Variants in SUGCT observed in about 807,000 individuals in gnomAD.
SUGCT encodes succinyl-CoA:glutarate CoA-transferase.
Under a neutral mutation model 55.0 loss-of-function variants are expected in SUGCT, and 41 were observed. The ratio of observed to expected loss-of-function variants is 0.74; its 90% CI spans 0.58 to 0.97. The LOEUF is 0.97. Among genes scored for constraint, SUGCT ranks in the 50% least tolerant of loss-of-function variants. The pLI, the probability that SUGCT is intolerant of heterozygous loss-of-function variation, is 0.00. For synonymous variants in SUGCT, 187 were observed against 200.4 expected, an observed-to-expected ratio of 0.93 and a Z score of 0.56; for missense variants, 568 against 547.8, an observed-to-expected ratio of 1.04 and a Z score of -0.37.
chr7:40,320,453 G>A (rs1046602457), intron 9 of SUGCT, among the ~76,000 whole-genome samples: 3 of 152,174 alleles, frequency 2.0e-5, no homozygotes, highest in Admixed American at 1.3e-4. Context: ...CTTAAAGACA[G>A]TAGGCTTTTA....
At chr7:40,263,039 C>A (rs1791330451) in intron 7 of SUGCT, among the ~76,000 whole-genome samples, 1 of 152,218 alleles carries the variant, frequency 6.6e-6, no homozygotes, top group Non-Finnish European at 1.5e-5. Context: ...TCTGCTGCCT[C>A]AGCCTCCCCA....
At chr7:40,636,918 C>T (rs1800046163) in intron 12 of SUGCT, among the ~76,000 whole-genome samples, 1 of 152,172 alleles carries the variant, frequency 6.6e-6, no homozygotes, top group Non-Finnish European at 1.5e-5. Context: ...CCTAACCCCT[C>T]CTTTCCCGGC....
At chr7:40,645,484 A>C (rs1800456074) in intron 12 of SUGCT, among the ~76,000 whole-genome samples, 1 of 152,138 alleles carries the variant, frequency 6.6e-6, no homozygotes, top group Non-Finnish European at 1.5e-5. Flanking sequence ...ATATCTATTC[A>C]ATTGCTTGCA....
chr7:40,169,537 A>C (rs1784574041), intron 1 of SUGCT, among the ~76,000 whole-genome samples: 1 of 152,194 alleles, frequency 6.6e-6, no homozygotes, highest in Admixed American at 6.5e-5. Flanking sequence ...ACTGTCCCCT[A>C]GGGCAGTGGG....
At chr7:40,337,156 G>A (rs1796759010) in intron 9 of SUGCT, among the ~76,000 whole-genome samples, 1 of 152,114 alleles carries the variant, frequency 6.6e-6, no homozygotes, top group Non-Finnish European at 1.5e-5. Context: ...GCTGAGGAGT[G>A]CTTTACTTCT....
intron 11 of SUGCT, among the ~76,000 whole-genome samples, chr7:40,459,584 G>A (rs1194325675): frequency 3.3e-5 from 5 of 151,956 alleles, no homozygotes; most frequent in African/African-American, 9.7e-5. Context: ...ACATTGTCTC[G>A]TTTAATCCTC....
chr7:40,547,379 C>G (rs968054249), intron 12 of SUGCT, among the ~76,000 whole-genome samples: 13 of 152,188 alleles, frequency 8.5e-5, no homozygotes, highest in African/African-American at 2.9e-4. Flanking sequence ...GTGGCCCTGT[C>G]AAGTTTATGC....
chr7:40,688,678 G>C (rs1784564435), intron 12 of SUGCT, among the ~76,000 whole-genome samples: 1 of 152,054 alleles, frequency 6.6e-6, no homozygotes, highest in Non-Finnish European at 1.5e-5. Flanking sequence ...ATAGTGTTTG[G>C]AATGAGATTG....
chr7:40,212,259 TA>T (rs533514969), intron 6 of SUGCT, among the ~76,000 whole-genome samples: 364 of 139,750 alleles, frequency 2.6e-3, no homozygotes, highest in Middle Eastern at 7.3e-3. Flanking sequence ...ACCCCATATC[TA>T]AAAAAAAAAA....
chr7:40,280,202 T>G (rs937056241), intron 8 of SUGCT, among the ~76,000 whole-genome samples: 4 of 152,206 alleles, frequency 2.6e-5, no homozygotes, highest in African/African-American at 9.6e-5. Context: ...GGATGTGGTT[T>G]GTAGTGGGCA....
intron 12 of SUGCT, among the ~76,000 whole-genome samples, chr7:40,602,758 CT>C (rs911625293): frequency 6.6e-5 from 10 of 152,114 alleles, no homozygotes; most frequent in African/African-American, 2.4e-4. Context: ...ATCTTCTGTT[CT>C]TTTTGTCATC....
chr7:40,580,505 A>G (rs1797026988), intron 12 of SUGCT, among the ~76,000 whole-genome samples: 1 of 152,198 alleles, frequency 6.6e-6, no homozygotes, highest in Admixed American at 6.5e-5. Context: ...ACACATATTT[A>G]ACATTGCATC....
intron 9 of SUGCT, among the ~76,000 whole-genome samples, chr7:40,365,352 C>G (rs1783884241): frequency 6.6e-6 from 1 of 151,710 alleles, no homozygotes; most frequent in Non-Finnish European, 1.5e-5. Flanking sequence ...AAAACTGGCA[C>G]AAGACAGGGA....
chr7:40,646,123 C>A (rs1800495754), intron 12 of SUGCT, among the ~76,000 whole-genome samples: 1 of 152,154 alleles, frequency 6.6e-6, no homozygotes, highest in East Asian at 1.9e-4. Context: ...AAGCAAGAAT[C>A]CTAGCAATGG....
At chr7:40,794,147 A>G (rs1790444959) in intron 13 of SUGCT, among the ~76,000 whole-genome samples, 1 of 152,012 alleles carries the variant, frequency 6.6e-6, no homozygotes, top group Non-Finnish European at 1.5e-5. Context: ...AGTTCATGGT[A>G]ATTTATTTCC....
intron 13 of SUGCT, among the ~76,000 whole-genome samples, chr7:40,827,273 G>A (rs1383301085): frequency 2.0e-5 from 3 of 152,190 alleles, no homozygotes; most frequent in Admixed American, 2.0e-4. Context: ...GATAGGGTGT[G>A]TTGCTGGGGA....
intron 11 of SUGCT, among the ~76,000 whole-genome samples, chr7:40,483,011 C>T (rs1227936757): frequency 1.3e-5 from 2 of 152,090 alleles, no homozygotes; most frequent in Non-Finnish European, 2.9e-5. Context: ...TAACTTTAAC[C>T]ATAATTTATC....
At chr7:40,626,754 C>T (rs1799546499) in intron 12 of SUGCT, among the ~76,000 whole-genome samples, 2 of 152,074 alleles carry the variant, frequency 1.3e-5, no homozygotes, top group Admixed American at 6.6e-5. Context: ...TATTGTGTGT[C>T]CTATGCCAAG....
chr7:40,385,499 A>G (rs1407940457), intron 9 of SUGCT, among the ~76,000 whole-genome samples: 1 of 152,212 alleles, frequency 6.6e-6, no homozygotes, highest in Non-Finnish European at 1.5e-5. Flanking sequence ...ATTGCTCGTA[A>G]GAGAATGGCA....
Sources: gnomAD v4.1 joint callset for allele counts (sites outside exome capture counted in the v4.1 genomes callset) on GRCh38, gnomAD v4.1.1 for gene constraint, MANE v1.5 for transcripts, NCBI Gene and HGNC (gene_info 2026-07-23, HGNC 2026-07-21) for gene names.